The following TMEM175 variants were observed in gnomAD, a reference collection of about 807,000 sequenced individuals.
The protein encoded by TMEM175 is endosomal/lysosomal proton channel TMEM175.
In TMEM175, 36 loss-of-function variants were observed where a neutral mutation model predicts 36.5. The observed-to-expected ratio is 0.99, with a 90% confidence interval of 0.76 to 1.30. The LOEUF (loss-of-function observed/expected upper bound fraction) is 1.30, where lower values mean the gene tolerates loss of function less well. Ranked by LOEUF, TMEM175 falls within the 50% of genes most tolerant of loss-of-function variation. TMEM175 has a pLI of 0.00. For missense variants in TMEM175, 705 were observed against 692.8 expected (o/e 1.02, Z -0.20); for synonymous variants, 339 against 313.4 (o/e 1.08, Z -0.86).
At chr4:949,164 C>T (rs1340203726) in intron 3 of TMEM175, among the ~76,000 whole-genome samples, 4 of 152,144 alleles carry the variant, frequency 2.6e-5, no homozygotes, top group South Asian at 2.1e-4. Flanking sequence ...CCTTTCAGAA[C>T]GGGGTCGCTG....
At chr4:957,298 C>A (rs141991937) in intron 10 of TMEM175, among the ~76,000 whole-genome samples, 31 of 152,344 alleles carry the variant, frequency 2.0e-4, no homozygotes, top group Middle Eastern at 3.4e-3. Flanking sequence ...CTGGGTGGTG[C>A]CGTCAGAAGG....
chr4:942,936 A>C (rs1056088855), intron 1 of TMEM175, among the ~76,000 whole-genome samples: 1 of 152,042 alleles, frequency 6.6e-6, no homozygotes, highest in African/African-American at 2.4e-5. Flanking sequence ...CACTGCGCCC[A>C]GCCAAAATTC....
chr4:956,583 C>T (rs569982215), intron 10 of TMEM175: 144 of 728,036 alleles, frequency 2.0e-4, no homozygotes, highest in South Asian at 1.8e-3. Flanking sequence ...GTTGGGATTA[C>T]AAGCACCCAC....
chr4:936,752 A>G (rs1218590565), intron 1 of TMEM175, among the ~76,000 whole-genome samples: 2 of 152,234 alleles, frequency 1.3e-5, no homozygotes, highest in South Asian at 4.1e-4. Context: ...TCAGGAGATC[A>G]AGACCATCCT....
intron 1 of TMEM175, among the ~76,000 whole-genome samples, chr4:934,797 C>T (rs888144366): frequency 6.6e-6 from 1 of 152,184 alleles, no homozygotes; most frequent in Non-Finnish European, 1.5e-5. Context: ...TATCTTCTAT[C>T]TCTTAGAACA....
intron 1 of TMEM175, among the ~76,000 whole-genome samples, chr4:937,995 TA>T (rs371319725): frequency 0.072 from 10,401 of 144,978 alleles, 571 homozygotes; most frequent in African/African-American, 0.15. Context: ...ATTACTGATT[TA>T]AAAAAAAAAA....
At chr4:948,475 G>A (rs1728465686) in intron 3 of TMEM175, 3 of 1,450,014 alleles carry the variant, frequency 2.1e-6, no homozygotes, top group Non-Finnish European at 1.8e-6. Flanking sequence ...TTCCGGGCCT[G>A]CCCCAAGGAC....
intron 9 of TMEM175, 134 bp downstream of exon 9, chr4:955,617 C>T: frequency 1.4e-6 from 2 of 1,449,786 alleles, no homozygotes; most frequent in Non-Finnish European, 9.3e-7. Flanking sequence ...CCACTCCGCC[C>T]CTCGGGCGTC....
Position 952,930 on chromosome 4 carries a change from G to A in TMEM175, c.463-260G>A, listed in dbSNP as rs887803803. On this transcript the variant is annotated intron_variant, in intron 7 of 10. Transcript: ENST00000264771. ...GTGGGCCCTGAGACCCCCCACATGC[G>A]GCCCCAGGAGCCAGCAGGGGCTCCT... Among the ~76,000 whole-genome samples, 6 of 152,026 alleles carry A rather than the reference G, an allele frequency of 3.9e-5. No individual in the cohort carries two copies. In the East Asian group the frequency reaches 7.8e-4, roughly 20 times the overall value.
At chr4:957,794 G>T in intron 10 of TMEM175, 30 bp from the exon 11 acceptor site, 1 of 1,566,168 alleles carries the variant, frequency 6.4e-7, no homozygotes, top group Non-Finnish European at 8.7e-7. Context: ...CGGCAAGGCC[G>T]GCACAAATGC....
rs770367283 is a variant in TMEM175 at position 947,794 on chromosome 4, C to T, written c.55C>T (p.Pro19Ser). 8.1e-6 allele frequency: 13 copies of T among 1,612,908 alleles called. No individual in the cohort carries two copies. Among genetic ancestry groups the T allele is most frequent in the Non-Finnish European group, 8.5e-7 (1 of 1,179,962 alleles). Reference protein sequence around the residue: ...QALDTPGDCPPGRRDEDAGEG... With the variant: ...QALDTPGDCPSGRRDEDAGEG... ...ACTGGATACACCGGGGGACTGCCCC[C>T]CAGGCAGGAGAGACGAGGACGCTGG... The change falls in exon 2 of 11, where the codon CCA (proline) becomes TCA (serine). Residue 19 changes from proline to serine, a missense_variant. Transcript: ENST00000264771.
Position 955,751 on chromosome 4 carries a change from C to G in TMEM175, c.707-4C>G. On this transcript the variant is annotated splice_polypyrimidine_tract_variant and splice_region_variant and intron_variant, in intron 9 of 10. Transcript: ENST00000264771. Reference sequence around the variant, plus strand: ...CCAGCTCCACCCTCCTGGCGTGTCCCCAGGCCACAGGGAGCCCTCGGCTCA... The same window carrying G: ...CCAGCTCCACCCTCCTGGCGTGTCCGCAGGCCACAGGGAGCCCTCGGCTCA... 1 of 1,612,944 alleles carries G rather than the reference C, an allele frequency of 6.2e-7. No homozygotes were observed. The highest frequency in any genetic ancestry group is 1.1e-5 in the South Asian group (1 of 91,048).
chr4:932,926 G>A lies in TMEM175; in HGVS notation c.-32+386G>A, dbSNP rs748462900. ...GTCTGGCCTGGGGCAGTGACCAGTA[G>A]TGGGAGCCGTGGGCTAGAAAAACCT... is the stretch of plus-strand genomic sequence containing the variant. On this transcript the variant is annotated intron_variant, in intron 1 of 10. Coordinates refer to ENST00000264771, the MANE Select transcript of TMEM175 (RefSeq NM_032326.4). The surrounding 1 kb of genome is among the most constrained non-coding windows in gnomAD (Gnocchi z 4.0). Among the ~76,000 whole-genome samples the A allele has an allele frequency of 7.2e-5, 11 of 152,220 alleles. No individual in the cohort carries two copies. Among genetic ancestry groups the A allele is most frequent in the Non-Finnish European group, 1.6e-4 (11 of 68,042 alleles).
intron 5 of TMEM175, 99 bp from the exon 6 acceptor site, chr4:951,583 G>T: frequency 6.6e-7 from 1 of 1,513,688 alleles, no homozygotes; most frequent in Non-Finnish European, 9.1e-7. Context: ...CCCTTCTTGG[G>T]GAGGGCCCAG....
Position 946,515 on chromosome 4 carries a change from T to C in TMEM175, c.-31-1194T>C, listed in dbSNP as rs181725879. On this transcript the variant is annotated intron_variant, in intron 1 of 10. Transcript: ENST00000264771. ...CCACTCGGGTGCAGGGTGAAATCCA[T>C]AGTGCCTGGTTGGCACGAGGCTGCC... Among the ~76,000 whole-genome samples the C allele has an allele frequency of 5.3e-4, 80 of 152,102 alleles. 1 individual carries two copies. The East Asian group carries it at 0.015, about 28-fold the overall frequency.
At chr4:949,472 A>G (rs1728589284) in intron 3 of TMEM175, among the ~76,000 whole-genome samples, 1 of 152,212 alleles carries the variant, frequency 6.6e-6, no homozygotes, top group Admixed American at 6.5e-5. Context: ...AGAACAGTGG[A>G]CACCTCCTTG....
In TMEM175 at chr4:958,002, A is replaced by G. The variant is rs1729961686; in HGVS notation, c.1021A>G (p.Met341Val). ...FLHVRKATRA[M>V]GLLNTLSLAF... ...GCATGTGCGCAAGGCCACGCGGGCC[A>G]TGGGGCTGCTGAACACGCTCTCGCT... The change falls in exon 11 of 11, where the codon ATG becomes GTG. Residue 341 changes from methionine (M) to valine (V), a missense_variant. Physicochemically the swap from Met to Val is conservative, Grantham distance 21. Transcript: ENST00000264771. 6.8e-6 allele frequency: 11 copies of G among 1,612,688 alleles called. No individual in the cohort carries two copies. The highest frequency in any genetic ancestry group is 8.5e-6 in the Non-Finnish European group (10 of 1,179,882).
intron 1 of TMEM175, among the ~76,000 whole-genome samples, chr4:945,115 AG>A (rs1727970001): frequency 1.0e-5 from 1 of 96,044 alleles, no homozygotes; most frequent in South Asian, 2.9e-4. Context: ...AAAGAAAAAA[AG>A]AAAAACTGCG....
At chr4:948,236 G>T in intron 3 of TMEM175, 82 bp downstream of exon 3, 1 of 1,611,554 alleles carries the variant, frequency 6.2e-7, no homozygotes, top group East Asian at 2.2e-5. Flanking sequence ...ACAGGGTGCT[G>T]ACCCTGCACG....
Sources: allele counts gnomAD v4.1 joint callset (sites outside exome capture counted in the v4.1 genomes callset), GRCh38; gene constraint gnomAD v4.1.1; non-coding constraint Gnocchi (gnomAD v3.1); transcripts MANE v1.5; gene names NCBI Gene and HGNC (gene_info 2026-07-23, HGNC 2026-07-21).